The following CNTNAP2 variants were observed in gnomAD, a reference collection of about 807,000 sequenced individuals.
CNTNAP2 encodes the protein contactin associated protein 2, also known as contactin-associated protein-like 2.
Under a neutral mutation model 155.2 loss-of-function variants are expected in CNTNAP2, and 98 were observed. The ratio of observed to expected loss-of-function variants is 0.63; its 90% CI spans 0.54 to 0.75. The LOEUF (loss-of-function observed/expected upper bound fraction) is 0.75. Ranked by LOEUF, CNTNAP2 falls within the 30% of genes least tolerant of loss-of-function variation. The pLI is 0.00. For synonymous variants in CNTNAP2, 651 were observed against 631.2 expected (o/e 1.03, Z -0.47); for missense variants, 1,727 against 1,688.1 (o/e 1.02, Z -0.40).
intron 10 of CNTNAP2, among the ~76,000 whole-genome samples, chr7:147,437,082 G>A (rs952904030): frequency 3.9e-5 from 6 of 151,942 alleles, no homozygotes; most frequent in Non-Finnish European, 7.4e-5. Context: ...TCTTGGTCTC[G>A]GTGAACACTT....
chr7:147,411,810 C>T (rs1797107095), intron 10 of CNTNAP2, among the ~76,000 whole-genome samples: 1 of 152,000 alleles, frequency 6.6e-6, no homozygotes, highest in Admixed American at 6.6e-5. Context: ...CCTGCTAAAA[C>T]TTTGAGGATT....
intron 1 of CNTNAP2, among the ~76,000 whole-genome samples, chr7:146,217,509 A>G (rs1799132728): frequency 6.6e-6 from 1 of 152,202 alleles, no homozygotes. Context: ...ATTATTATCC[A>G]CACGTATTAA....
chr7:147,081,689 G>C (rs1372271645), intron 4 of CNTNAP2: 1 of 151,934 alleles, frequency 6.6e-6, no homozygotes, highest in Non-Finnish European at 1.5e-5. Context: ...TCCTGACCTT[G>C]TGATCTGCCC....
At chr7:147,763,412 A>T (rs572780383) in intron 13 of CNTNAP2, among the ~76,000 whole-genome samples, 1 of 142,942 alleles carries the variant, frequency 7.0e-6, no homozygotes, top group Non-Finnish European at 1.5e-5. Flanking sequence ...ATACTTTACA[A>T]ATTTTTCTTT....
chr7:147,132,634 A>G, intron 8 of CNTNAP2, 125 bp downstream of exon 8: 3 of 1,291,984 alleles, frequency 2.3e-6, no homozygotes, highest in Non-Finnish European at 3.3e-6. Context: ...GATCTTCAAG[A>G]CGCTTACTTG....
chr7:147,291,997 A>G (rs1228398218), intron 8 of CNTNAP2, among the ~76,000 whole-genome samples: 1 of 152,128 alleles, frequency 6.6e-6, no homozygotes, highest in East Asian at 1.9e-4. Context: ...ATTCTGTTTT[A>G]AGATACATGC....
chr7:146,544,397 T>C (rs1194772674), intron 1 of CNTNAP2, among the ~76,000 whole-genome samples: 1 of 151,984 alleles, frequency 6.6e-6, no homozygotes, highest in Non-Finnish European at 1.5e-5. Flanking sequence ...GGCCTTTGCC[T>C]TTAACAGCAC....
intron 9 of CNTNAP2, among the ~76,000 whole-genome samples, chr7:147,386,573 T>C (rs1339769599): frequency 6.6e-6 from 1 of 152,186 alleles, no homozygotes; most frequent in East Asian, 1.9e-4. Context: ...AAGAGTCACC[T>C]TTGCTCCAGT....
At chr7:148,041,474 G>A (rs1004643195) in intron 15 of CNTNAP2, among the ~76,000 whole-genome samples, 2 of 152,240 alleles carry the variant, frequency 1.3e-5, no homozygotes, top group Admixed American at 6.5e-5. Flanking sequence ...CAAGTAGAAC[G>A]GAGAACCGTG....
At position 147,150,837 on chromosome 7, in the gene CNTNAP2, G is replaced by A. The variant is rs555350560; in HGVS notation, c.1348+18328G>A. 1.5e-4 allele frequency among the ~76,000 whole-genome samples: 23 copies of A among 152,168 alleles called. No individual in the cohort carries two copies. The South Asian group carries it at 3.9e-3, about 26-fold the overall frequency. The stretch of plus-strand genomic sequence containing the variant: ...ACTGTATAATAAAGAAAATAAACTG[G>A]AACTACTTGGAATGACTATTGAGGG... On this transcript the variant is annotated intron_variant, in intron 8 of 23. Transcript: ENST00000361727.
intron 14 of CNTNAP2, among the ~76,000 whole-genome samples, chr7:147,907,729 T>C (rs1041593374): frequency 6.6e-6 from 1 of 152,200 alleles, no homozygotes; most frequent in Non-Finnish European, 1.5e-5. Flanking sequence ...TTCTATAAAT[T>C]ATACTATATG....
intron 1 of CNTNAP2, among the ~76,000 whole-genome samples, chr7:146,619,997 GTAAC>G (rs1404002660): frequency 2.6e-5 from 4 of 152,270 alleles, no homozygotes; most frequent in Admixed American, 1.3e-4. Context: ...TCACAACAGA[GTAAC>G]TAGTATTTCA....
In CNTNAP2 at chr7:148,331,810, C is replaced by T. The variant is rs376405067; in HGVS notation, c.3476-51839C>T. On this transcript the variant is annotated intron_variant, in intron 21 of 23. Coordinates refer to ENST00000361727, the MANE Select transcript of CNTNAP2 (RefSeq NM_014141.6). The stretch of plus-strand genomic sequence containing the variant: ...TGGAGTGGATGGATAGAATGGCCTC[C>T]TCTTTGTCTAAAACCCCCAGTAGCT... Among the ~76,000 whole-genome samples the T allele has an allele frequency of 2.7e-4, 8 of 29,862 alleles. No homozygotes were observed. The East Asian group carries it at 0.016, about 61-fold the overall frequency. 19.6% of individuals were successfully genotyped at this position (29,862 alleles called of 152,430 possible).
At chr7:147,727,762 T>TTC (rs11428363) in intron 13 of CNTNAP2, among the ~76,000 whole-genome samples, 9 of 151,096 alleles carry the variant, frequency 6.0e-5, no homozygotes, top group Non-Finnish European at 1.2e-4. Flanking sequence ...TTTTTTTTTT[T>TTC]CCTGCGCTCA....
intron 1 of CNTNAP2, among the ~76,000 whole-genome samples, chr7:146,216,940 C>T (rs1374842108): frequency 2.0e-5 from 3 of 152,150 alleles, no homozygotes; most frequent in Non-Finnish European, 1.5e-5. Flanking sequence ...TTGTAAAGTT[C>T]TTCTAAGGCT....
intron 16 of CNTNAP2, among the ~76,000 whole-genome samples, chr7:148,147,278 C>G (rs1805201265): frequency 1.3e-5 from 2 of 152,118 alleles, no homozygotes; most frequent in South Asian, 4.1e-4. Flanking sequence ...TAAATATATA[C>G]CTGACACATA....
intron 11 of CNTNAP2, among the ~76,000 whole-genome samples, chr7:147,522,580 G>T (rs1799246477): frequency 6.6e-6 from 1 of 151,902 alleles, no homozygotes; most frequent in Non-Finnish European, 1.5e-5. Flanking sequence ...GCAGTAAAAT[G>T]GTAGAAACAA....
intron 1 of CNTNAP2, among the ~76,000 whole-genome samples, chr7:146,669,820 T>G (rs577701480): frequency 4.8e-5 from 7 of 146,656 alleles, no homozygotes; most frequent in Admixed American, 4.7e-4. Context: ...TTAGTGTAAG[T>G]ACTACAACAT....
At chr7:147,899,641 T>C (rs1041844764) in intron 13 of CNTNAP2, among the ~76,000 whole-genome samples, 17 of 152,074 alleles carry the variant, frequency 1.1e-4, no homozygotes, top group African/African-American at 3.9e-4. Flanking sequence ...TCTTCGCACT[T>C]TGAGAGGCCA....
Sources: gnomAD v4.1 joint callset for allele counts (sites outside exome capture counted in the v4.1 genomes callset) on GRCh38, gnomAD v4.1.1 for gene constraint, MANE v1.5 for transcripts, NCBI Gene and HGNC (gene_info 2026-07-23, HGNC 2026-07-21) for gene names.